Variants in PELI2 observed in about 807,000 individuals in gnomAD.
The protein encoded by PELI2 is pellino E3 ubiquitin protein ligase family member 2, also known as E3 ubiquitin-protein ligase pellino homolog 2.
A neutral mutation model predicts 42.3 loss-of-function variants in PELI2; 23 were observed. That is an observed-to-expected ratio of 0.54 (90% confidence interval 0.39 to 0.77). PELI2 has a LOEUF of 0.77. Ranked by LOEUF, PELI2 falls within the 30% of genes least tolerant of loss-of-function variation. The pLI is 0.00. For missense variants in PELI2, 463 were observed against 553.2 expected, an observed-to-expected ratio of 0.84 and a Z score of 1.64; for synonymous variants, 245 against 212.2, an observed-to-expected ratio of 1.15 and a Z score of -1.34.
chr14:56,153,678 A>T (rs1370795095), intron 1 of PELI2, among the ~76,000 whole-genome samples: 1 of 152,230 alleles, frequency 6.6e-6, no homozygotes, highest in African/African-American at 2.4e-5. Context: ...TTGAGATTTA[A>T]TTTTAAAAAT....
rs1458406012 is a variant in PELI2, at chr14:56,227,051, T to C, written c.207+48587T>C. On this transcript the variant is annotated intron_variant, in intron 2 of 5. Transcript: ENST00000267460. ...GCAATTTTCAGGAATGTGTCTATTA[T>C]ACAAAATGAAAACAAATTATCTAAT... Among the ~76,000 whole-genome samples the C allele has an allele frequency of 2.0e-5, 3 of 152,370 alleles. 1 individual carries two copies. The East Asian group carries it at 5.8e-4, about 29-fold the overall frequency.
intron 2 of PELI2, among the ~76,000 whole-genome samples, chr14:56,205,029 C>CAAAAA (rs35776509): frequency 1.1e-5 from 1 of 91,138 alleles, no homozygotes; most frequent in Admixed American, 1.2e-4. Flanking sequence ...GACTCCCTGT[C>CAAAAA]AAAAAAAAAA....
At chr14:56,285,136 T>G (rs937680635) in intron 3 of PELI2, among the ~76,000 whole-genome samples, 3 of 152,142 alleles carry the variant, frequency 2.0e-5, no homozygotes, top group African/African-American at 7.2e-5. Context: ...AGGTGGCAAG[T>G]ATGAAAACAG....
At chr14:56,250,391 G>A (rs190580748) in intron 2 of PELI2, among the ~76,000 whole-genome samples, 80 of 152,250 alleles carry the variant, frequency 5.3e-4, no homozygotes, top group Middle Eastern at 3.4e-3. Context: ...GAGTTTATTA[G>A]GGGAATTGAC....
intron 1 of PELI2, among the ~76,000 whole-genome samples, chr14:56,134,777 ATTT>A (rs74387457): frequency 7.1e-5 from 10 of 140,896 alleles, no homozygotes; most frequent in South Asian, 2.2e-4. Flanking sequence ...TCAGTAAACT[ATTT>A]TTTTTTTTTT....
intron 2 of PELI2, among the ~76,000 whole-genome samples, chr14:56,191,902 A>G (rs1566629019): frequency 6.6e-6 from 1 of 152,140 alleles, no homozygotes; most frequent in African/African-American, 2.4e-5. Flanking sequence ...CTGCACACCC[A>G]GGAGTGCAGT....
At chr14:56,196,036 T>A (rs778022399) in intron 2 of PELI2, among the ~76,000 whole-genome samples, 9 of 152,350 alleles carry the variant, frequency 5.9e-5, no homozygotes, top group South Asian at 2.1e-4. Flanking sequence ...CAATTAAGTG[T>A]TTACTCAGCA....
At chr14:56,138,966 C>G (rs1883793683) in intron 1 of PELI2, among the ~76,000 whole-genome samples, 1 of 152,024 alleles carries the variant, frequency 6.6e-6, no homozygotes, top group South Asian at 2.1e-4. Flanking sequence ...TGTGGGAAGG[C>G]AATGGGAAAA....
At chr14:56,280,534 G>T (rs1889448841) in intron 3 of PELI2, among the ~76,000 whole-genome samples, 1 of 152,030 alleles carries the variant, frequency 6.6e-6, no homozygotes, top group Admixed American at 6.6e-5. Flanking sequence ...ATGAGGCTTT[G>T]CATTTCCATA....
intron 5 of PELI2, chr14:56,292,774 G>A (rs1328678878): frequency 1.0e-6 from 1 of 978,384 alleles, no homozygotes; most frequent in African/African-American, 1.8e-5. Flanking sequence ...TAAATATGGG[G>A]GAAATGTCTT....
At chr14:56,227,021 C>T (rs902273836) in intron 2 of PELI2, among the ~76,000 whole-genome samples, 13 of 152,178 alleles carry the variant, frequency 8.5e-5, no homozygotes, top group African/African-American at 3.1e-4. Context: ...GTTTAAATGT[C>T]TGTGGCAATT....
chr14:56,229,682 G>T (rs531285979), intron 2 of PELI2, among the ~76,000 whole-genome samples: 24 of 152,166 alleles, frequency 1.6e-4, no homozygotes, highest in Non-Finnish European at 2.9e-4. Flanking sequence ...AAACCAGAGT[G>T]CCTCTTCTCC....
In PELI2 at chr14:56,298,357, A is replaced by G. The variant is rs1890078604; in HGVS notation, c.*1191A>G. Reference sequence around the variant, plus strand: ...AGTGTTGCTGAGGAATAATTAAATGAGAATTTCATAGGAGCTCCACCATTC... The same window carrying G: ...AGTGTTGCTGAGGAATAATTAAATGGGAATTTCATAGGAGCTCCACCATTC... On this transcript the variant is annotated 3_prime_UTR_variant, in exon 6 of 6. Coordinates refer to ENST00000267460, the MANE Select transcript of PELI2 (RefSeq NM_021255.3). 1 of 152,462 alleles carries G rather than the reference A, an allele frequency of 6.6e-6. No homozygotes were observed. The highest frequency in any genetic ancestry group is 2.1e-4 in the South Asian group (1 of 4,832). 9.4% of individuals were successfully genotyped at this position (152,462 alleles called of 1,614,324 possible). A position where few individuals can be genotyped will look rare whatever the true frequency, so the allele number is the denominator to read the frequency against.
chr14:56,170,440 A>G (rs937794240), intron 1 of PELI2, among the ~76,000 whole-genome samples: 3 of 152,222 alleles, frequency 2.0e-5, no homozygotes, highest in Non-Finnish European at 4.4e-5. Context: ...TTAAGACTCC[A>G]TCTTTGCACT....
chr14:56,174,187 G>A (rs981179232), intron 1 of PELI2, among the ~76,000 whole-genome samples: 5 of 152,200 alleles, frequency 3.3e-5, no homozygotes, highest in Non-Finnish European at 5.9e-5. Flanking sequence ...ACAGGCATGA[G>A]CCATCATGCC....
chr14:56,203,031 C>T (rs1269875824), intron 2 of PELI2, among the ~76,000 whole-genome samples: 1 of 152,092 alleles, frequency 6.6e-6, no homozygotes, highest in African/African-American at 2.4e-5. Context: ...ATTTTTAAAA[C>T]AATTTGGAAA....
At chr14:56,206,632 A>G (rs1262739645) in intron 2 of PELI2, among the ~76,000 whole-genome samples, 2 of 152,208 alleles carry the variant, frequency 1.3e-5, no homozygotes, top group Non-Finnish European at 2.9e-5. Context: ...ATGTTTTAAA[A>G]TAACATAAAA....
At chr14:56,178,996 G>T (rs1428738850) in intron 2 of PELI2, among the ~76,000 whole-genome samples, 1 of 152,020 alleles carries the variant, frequency 6.6e-6, no homozygotes, top group Admixed American at 6.5e-5. Context: ...AGGATGAAAA[G>T]TATACACGAC....
At chr14:56,211,526 TC>T (rs1886711827) in intron 2 of PELI2, among the ~76,000 whole-genome samples, 1 of 152,236 alleles carries the variant, frequency 6.6e-6, no homozygotes, top group African/African-American at 2.4e-5. Flanking sequence ...GGTATCTTTT[TC>T]AACCTTGTTG....
Sources: allele counts gnomAD v4.1 joint callset (sites outside exome capture counted in the v4.1 genomes callset), GRCh38; gene constraint gnomAD v4.1.1; transcripts MANE v1.5; gene names NCBI Gene and HGNC (gene_info 2026-07-23, HGNC 2026-07-21).